HPSE2: variants seen among roughly 807,000 people sequenced by gnomAD.
The protein encoded by HPSE2 is inactive heparanase-2.
A neutral mutation model predicts 60.5 loss-of-function variants in HPSE2; 38 were observed. That is an observed-to-expected ratio of 0.63 (90% confidence interval 0.48 to 0.82). The LOEUF (loss-of-function observed/expected upper bound fraction) is 0.82. Ranked by LOEUF, HPSE2 falls within the 40% of genes least tolerant of loss-of-function variation. The pLI, the probability that HPSE2 is intolerant of heterozygous loss-of-function variation, is 0.00. For synonymous variants in HPSE2, 295 were observed against 293.2 expected, an observed-to-expected ratio of 1.01 and a Z score of -0.06; for missense variants, 713 against 740.4, an observed-to-expected ratio of 0.96 and a Z score of 0.43.
At chr10:98,614,068 G>GTAAATCCC (rs1945832555) in intron 9 of HPSE2, among the ~76,000 whole-genome samples, 1 of 152,076 alleles carries the variant, frequency 6.6e-6, no homozygotes. Context: ...GTCACACGGG[G>GTAAATCCC]CTCATCATCT....
intron 11 of HPSE2, among the ~76,000 whole-genome samples, chr10:98,461,391 G>T (rs1408836038): frequency 9.3e-6 from 1 of 107,832 alleles, no homozygotes; most frequent in African/African-American, 3.9e-5. Flanking sequence ...CCTGCCTCTG[G>T]AAGGCATGGG....
intron 9 of HPSE2, among the ~76,000 whole-genome samples, chr10:98,563,303 A>G (rs1036639613): frequency 6.6e-6 from 1 of 152,152 alleles, no homozygotes; most frequent in Non-Finnish European, 1.5e-5. Flanking sequence ...AAGTCAAAGA[A>G]CCTAGTTACA....
the HPSE2 span, among the ~76,000 whole-genome samples, chr10:99,312,235 A>G: frequency 1.2e-4 from 19 of 152,368 alleles, 1 homozygote; most frequent in East Asian, 3.1e-3. Flanking sequence ...ACACTAATCG[A>G]CAGATTTTCA....
intron 3 of HPSE2, among the ~76,000 whole-genome samples, chr10:98,860,919 T>C (rs1268282840): frequency 6.6e-6 from 1 of 152,172 alleles, no homozygotes; most frequent in Non-Finnish European, 1.5e-5. Context: ...CTTAGGCACA[T>C]ACATAAACAA....
chr10:99,096,623 T>C (rs909741886), intron 3 of HPSE2, among the ~76,000 whole-genome samples: 1 of 152,190 alleles, frequency 6.6e-6, no homozygotes, highest in Non-Finnish European at 1.5e-5. Flanking sequence ...GGATAATCCA[T>C]ATCATTGGAC....
At chr10:98,782,925 T>A (rs868203428) in intron 3 of HPSE2, among the ~76,000 whole-genome samples, 3 of 40,314 alleles carry the variant, frequency 7.4e-5, no homozygotes, top group Non-Finnish European at 1.5e-4. Flanking sequence ...TTTTTTTTTT[T>A]ATTTTTTTTT....
At chr10:98,645,840 T>G (rs1455698832) in intron 6 of HPSE2, among the ~76,000 whole-genome samples, 1 of 151,848 alleles carries the variant, frequency 6.6e-6, no homozygotes, top group Non-Finnish European at 1.5e-5. Flanking sequence ...CGGGGCGTGG[T>G]GGGGGGCGCC....
At chr10:98,557,061 A>G (rs918157710) in intron 9 of HPSE2, among the ~76,000 whole-genome samples, 1 of 151,936 alleles carries the variant, frequency 6.6e-6, no homozygotes, top group Non-Finnish European at 1.5e-5. Context: ...AATACAAAAA[A>G]AATTAGCCGG....
At chr10:99,291,727 TAGTA>T in the HPSE2 span, among the ~76,000 whole-genome samples, 1 of 152,170 alleles carries the variant, frequency 6.6e-6, no homozygotes, top group Admixed American at 6.5e-5. Flanking sequence ...ACTACATTCC[TAGTA>T]AGTGATAGGG....
At chr10:98,492,510 C>CAA (rs10645866) in intron 9 of HPSE2, among the ~76,000 whole-genome samples, 2,603 of 112,060 alleles carry the variant, frequency 0.023, 49 homozygotes, top group African/African-American at 0.052. Flanking sequence ...TCAAAAAAGA[C>CAA]AAAAAAAAAA....
the HPSE2 span, among the ~76,000 whole-genome samples, chr10:99,289,577 T>G: frequency 6.6e-6 from 1 of 152,292 alleles, no homozygotes; most frequent in Non-Finnish European, 1.5e-5. Flanking sequence ...AGGGGGAATA[T>G]CAGTGGAGTA....
chr10:98,520,205 G>A (rs956114572), intron 9 of HPSE2, among the ~76,000 whole-genome samples: 1 of 152,214 alleles, frequency 6.6e-6, no homozygotes, highest in African/African-American at 2.4e-5. Flanking sequence ...ACTCCACTGG[G>A]TTAGGGAGAA....
chr10:98,492,396 G>A (rs915887945), intron 9 of HPSE2, among the ~76,000 whole-genome samples: 3 of 151,824 alleles, frequency 2.0e-5, no homozygotes, highest in African/African-American at 7.3e-5. Flanking sequence ...CAGCTACTCG[G>A]GAGGCTGAGG....
intron 3 of HPSE2, among the ~76,000 whole-genome samples, chr10:99,005,016 G>A (rs979284846): frequency 1.3e-5 from 2 of 152,122 alleles, no homozygotes; most frequent in African/African-American, 2.4e-5. Context: ...TCCACTGATA[G>A]CCTTATTGGA....
At chr10:99,187,253 T>C in intron 2 of HPSE2, among the ~76,000 whole-genome samples, 1 of 152,178 alleles carries the variant, frequency 6.6e-6, no homozygotes, top group East Asian at 1.9e-4. Context: ...AGTGAAATTA[T>C]GACATCAACA....
the HPSE2 span, among the ~76,000 whole-genome samples, chr10:99,308,165 A>T: frequency 2.0e-5 from 3 of 151,998 alleles, no homozygotes; most frequent in Non-Finnish European, 4.4e-5. Flanking sequence ...AGGCAGGCAG[A>T]TTCCCTGAGA....
At chr10:98,748,887 A>C (rs1190199040) in intron 3 of HPSE2, among the ~76,000 whole-genome samples, 1 of 152,178 alleles carries the variant, frequency 6.6e-6, no homozygotes, top group Non-Finnish European at 1.5e-5. Flanking sequence ...TGAGAAAAAA[A>C]AAACCATTAG....
intron 2 of HPSE2, among the ~76,000 whole-genome samples, chr10:99,228,309 A>G (rs1190724891): frequency 6.6e-6 from 1 of 152,174 alleles, no homozygotes; most frequent in Non-Finnish European, 1.5e-5. Flanking sequence ...TGAACATATT[A>G]TGTAAGCAAT....
intron 9 of HPSE2, among the ~76,000 whole-genome samples, chr10:98,582,694 C>G (rs1447464802): frequency 6.6e-6 from 1 of 152,184 alleles, no homozygotes; most frequent in African/African-American, 2.4e-5. Context: ...ATAACTGTCT[C>G]TATGGAGTAT....
Sources: gnomAD v4.1 joint callset for allele counts (sites outside exome capture counted in the v4.1 genomes callset) on GRCh38, gnomAD v4.1.1 for gene constraint, MANE v1.5 for transcripts, NCBI Gene and HGNC (gene_info 2026-07-23, HGNC 2026-07-21) for gene names.